Variants in FBXW7 observed in about 807,000 individuals in gnomAD.
FBXW7 encodes F-box/WD repeat-containing protein 7.
FBXW7 carries 11 observed loss-of-function variants against 86.3 expected under a neutral mutation model. The observed-to-expected ratio is 0.13, with a 90% CI of 0.08 to 0.21. The LOEUF (loss-of-function observed/expected upper bound fraction) is 0.21, where lower values mean the gene tolerates loss of function less well. FBXW7 is among the 10% of genes least tolerant of loss of function. The probability of loss-of-function intolerance (pLI) is 1.00; values close to 1 mark genes in which losing one functional copy is unlikely to be tolerated. For synonymous variants in FBXW7, 313 were observed against 297.9 expected (o/e 1.05, Z -0.52); for missense variants, 488 against 847.4 (o/e 0.58, Z 5.27).
intron 2 of FBXW7, among the ~76,000 whole-genome samples, chr4:152,504,379 C>A (rs1747224724): frequency 6.6e-6 from 1 of 152,146 alleles, no homozygotes; most frequent in East Asian, 1.9e-4. Flanking sequence ...AAAGTGGCTG[C>A]AAAAATTACA....
chr4:152,460,174 T>C (rs1220295294), intron 2 of FBXW7, among the ~76,000 whole-genome samples: 1 of 152,192 alleles, frequency 6.6e-6, no homozygotes, highest in Non-Finnish European at 1.5e-5. Context: ...TAGAAACCTA[T>C]TATACATTAC....
intron 4 of FBXW7, among the ~76,000 whole-genome samples, chr4:152,376,314 G>A (rs2126758293): frequency 6.6e-6 from 1 of 152,108 alleles, no homozygotes; most frequent in African/African-American, 2.4e-5. Context: ...TACCAACAGA[G>A]CTTATGATGG....
intron 2 of FBXW7, among the ~76,000 whole-genome samples, chr4:152,439,547 T>C (rs1023336495): frequency 2.1e-4 from 32 of 152,124 alleles, no homozygotes; most frequent in African/African-American, 7.7e-4. Context: ...TATACTGTTA[T>C]ATAACAAAAG....
At chr4:152,374,977 T>C (rs1352026105) in intron 4 of FBXW7, among the ~76,000 whole-genome samples, 3 of 152,152 alleles carry the variant, frequency 2.0e-5, no homozygotes, top group South Asian at 4.1e-4. Context: ...AAGAGTTCTA[T>C]GAAAGTGATG....
At chr4:152,520,519 T>C (rs943272776) in intron 2 of FBXW7, among the ~76,000 whole-genome samples, 1 of 151,786 alleles carries the variant, frequency 6.6e-6, no homozygotes, top group Non-Finnish European at 1.5e-5. Context: ...CCAGTTGTCC[T>C]CTTTCTTTCC....
At chr4:152,521,099 T>C (rs1026458691) in intron 2 of FBXW7, among the ~76,000 whole-genome samples, 1 of 152,146 alleles carries the variant, frequency 6.6e-6, no homozygotes. Flanking sequence ...ATGTCTACAA[T>C]GTGGCAGGAA....
At chr4:152,503,286 T>A (rs1747118194) in intron 2 of FBXW7, among the ~76,000 whole-genome samples, 1 of 151,364 alleles carries the variant, frequency 6.6e-6, no homozygotes. Context: ...TAAATTTTTT[T>A]TTTTGAGACA....
intron 2 of FBXW7, among the ~76,000 whole-genome samples, chr4:152,476,081 T>C (rs1221057377): frequency 6.6e-6 from 1 of 152,100 alleles, no homozygotes; most frequent in Non-Finnish European, 1.5e-5. Context: ...ATAACTACCA[T>C]AAAACTGTTA....
chr4:152,446,742 C>T lies in FBXW7; in HGVS notation c.-119-34213G>A, dbSNP rs149473885. On this transcript the variant is annotated intron_variant, in intron 2 of 13. Transcript: ENST00000281708. ...GTCAACACTCTGGTGTTTACTTCCTCGTTTCCTATTTGCTGAACCCATCAT... is the reference window on the plus strand; with the variant it reads ...GTCAACACTCTGGTGTTTACTTCCTTGTTTCCTATTTGCTGAACCCATCAT... 5.4e-3 allele frequency among the ~76,000 whole-genome samples: 823 copies of T among 152,268 alleles called. 11 individuals carry two copies. The highest frequency in any genetic ancestry group is 0.019 in the African/African-American group (776 of 41,550).
intron 7 of FBXW7, 154 bp downstream of exon 7, chr4:152,337,646 GCA>G (rs1730270692): frequency 3.1e-6 from 2 of 653,894 alleles, no homozygotes; most frequent in South Asian, 2.8e-5. Context: ...TTAAGTCATG[GCA>G]ATTTATCAAT....
intron 2 of FBXW7, among the ~76,000 whole-genome samples, chr4:152,484,849 C>A (rs569417077): frequency 2.0e-5 from 3 of 151,840 alleles, no homozygotes; most frequent in Admixed American, 6.6e-5. Context: ...GTAATCCCAG[C>A]TACTTGGGAA....
intron 2 of FBXW7, among the ~76,000 whole-genome samples, chr4:152,475,592 G>C (rs1366295775): frequency 6.6e-6 from 1 of 152,164 alleles, no homozygotes; most frequent in Non-Finnish European, 1.5e-5. Flanking sequence ...TTGTAAAACA[G>C]CCTTTATTCA....
At chr4:152,436,877 C>T (rs1036410340) in intron 2 of FBXW7, among the ~76,000 whole-genome samples, 1 of 152,170 alleles carries the variant, frequency 6.6e-6, no homozygotes, top group Admixed American at 6.5e-5. Flanking sequence ...ATGAAAGATT[C>T]CTTTCAAATA....
chr4:152,414,012 A>G (rs1021904921), intron 2 of FBXW7, among the ~76,000 whole-genome samples: 1 of 152,172 alleles, frequency 6.6e-6, no homozygotes, highest in African/African-American at 2.4e-5. Flanking sequence ...ACAAATACTG[A>G]GCCATTGCTC....
intron 5 of FBXW7, 29 bp downstream of exon 5, chr4:152,350,013 C>A (rs1164624396): frequency 3.2e-6 from 4 of 1,245,554 alleles, no homozygotes; most frequent in Non-Finnish European, 4.5e-6. Context: ...AACTGAGAAT[C>A]ATGAGATAAT....
At chr4:152,432,512 C>G (rs1739996484) in intron 2 of FBXW7, among the ~76,000 whole-genome samples, 1 of 151,984 alleles carries the variant, frequency 6.6e-6, no homozygotes, top group Non-Finnish European at 1.5e-5. Flanking sequence ...TTAATCAAGA[C>G]ACAGAATATT....
intron 2 of FBXW7, among the ~76,000 whole-genome samples, chr4:152,434,434 A>G (rs1162949403): frequency 2.6e-5 from 4 of 152,194 alleles, no homozygotes; most frequent in Non-Finnish European, 5.9e-5. Context: ...CTAGCCTTCT[A>G]CTTCTTATAA....
At chr4:152,386,533 G>T (rs939839260) in intron 4 of FBXW7, among the ~76,000 whole-genome samples, 2 of 152,012 alleles carry the variant, frequency 1.3e-5, no homozygotes, top group Non-Finnish European at 2.9e-5. Flanking sequence ...AAATCACCAG[G>T]AAATAAAGCA....
At chr4:152,332,885 G>T in intron 7 of FBXW7, 166 bp from the exon 8 acceptor site, 1 of 196,484 alleles carries the variant, frequency 5.1e-6, no homozygotes, top group Non-Finnish European at 9.7e-6. Flanking sequence ...ATATATACCA[G>T]ATAAAAAACA....
Sources: gnomAD v4.1 joint callset for allele counts (sites outside exome capture counted in the v4.1 genomes callset) on GRCh38, gnomAD v4.1.1 for gene constraint, MANE v1.5 for transcripts, NCBI Gene and HGNC (gene_info 2026-07-23, HGNC 2026-07-21) for gene names.